SSH2: variants seen among roughly 807,000 people sequenced by gnomAD.
SSH2 encodes the protein protein phosphatase Slingshot homolog 2.
In SSH2, 37 loss-of-function variants were observed where a neutral mutation model predicts 135.2. The ratio of observed to expected loss-of-function variants is 0.27; its 90% confidence interval spans 0.21 to 0.36. The LOEUF is 0.36. Ranked by LOEUF, SSH2 falls within the 10% of genes least tolerant of loss-of-function variation. SSH2 has a pLI of 1.00. For synonymous variants in SSH2, 628 were observed against 646.2 expected (o/e 0.97, Z 0.43); for missense variants, 1,408 against 1,765.3 (o/e 0.80, Z 3.63).
At chr17:29,668,719 G>A (rs1286999065) in intron 9 of SSH2, among the ~76,000 whole-genome samples, 1 of 151,594 alleles carries the variant, frequency 6.6e-6, no homozygotes, top group Non-Finnish European at 1.5e-5. Flanking sequence ...CCTGGGTAAC[G>A]GAGCAAGACT....
chr17:29,712,819 A>C (rs1337501282), intron 3 of SSH2, among the ~76,000 whole-genome samples: 1 of 152,136 alleles, frequency 6.6e-6, no homozygotes, highest in Non-Finnish European at 1.5e-5. Context: ...AAACAAAACA[A>C]AACATTTATG....
At chr17:29,759,619 T>C (rs2041227711) in intron 3 of SSH2, among the ~76,000 whole-genome samples, 2 of 152,196 alleles carry the variant, frequency 1.3e-5, no homozygotes, top group African/African-American at 4.8e-5. Context: ...ACTTTACTTC[T>C]CTCTGAATTT....
chr17:29,742,156 C>T (rs1227092690), intron 3 of SSH2, among the ~76,000 whole-genome samples: 1 of 151,686 alleles, frequency 6.6e-6, no homozygotes, highest in Non-Finnish European at 1.5e-5. Context: ...AAGATGGTCT[C>T]GATTTCCTGA....
chr17:29,863,897 C>A (rs1424105939), intron 1 of SSH2: 1 of 152,032 alleles, frequency 6.6e-6, no homozygotes, highest in Non-Finnish European at 1.5e-5. Context: ...AATTTATCAC[C>A]CTTAAACTTT....
chr17:29,649,432 A>G (rs1457874329), intron 13 of SSH2, among the ~76,000 whole-genome samples: 10 of 151,890 alleles, frequency 6.6e-5, no homozygotes, highest in Admixed American at 6.6e-4. Context: ...ACCCAGGCTC[A>G]AGTGCAGTGG....
chr17:29,875,038 T>C (rs1333706966), intron 1 of SSH2, among the ~76,000 whole-genome samples: 1 of 151,968 alleles, frequency 6.6e-6, no homozygotes, highest in East Asian at 1.9e-4. Context: ...TCTGATAAAG[T>C]CAAAAAAATC....
intron 1 of SSH2, among the ~76,000 whole-genome samples, chr17:29,874,822 T>C (rs371679962): frequency 6.6e-6 from 1 of 152,198 alleles, no homozygotes; most frequent in Admixed American, 6.5e-5. Context: ...GAATTCTCTG[T>C]GATTGTCAGA....
chr17:29,865,838 C>G (rs952055126), intron 1 of SSH2, among the ~76,000 whole-genome samples: 1 of 152,132 alleles, frequency 6.6e-6, no homozygotes, highest in Non-Finnish European at 1.5e-5. Context: ...TGGAGGCTCA[C>G]GCCTGTTATC....
intron 2 of SSH2, among the ~76,000 whole-genome samples, chr17:29,797,158 T>C (rs1016947525): frequency 2.6e-5 from 4 of 151,574 alleles, no homozygotes; most frequent in African/African-American, 9.7e-5. Flanking sequence ...TTATATACAA[T>C]GAAATATACA....
chr17:29,840,609 G>A (rs1459011664), intron 2 of SSH2, among the ~76,000 whole-genome samples: 1 of 152,146 alleles, frequency 6.6e-6, no homozygotes, highest in Admixed American at 6.6e-5. Context: ...AATGGAAGAT[G>A]GTCAGGATGC....
intron 1 of SSH2, among the ~76,000 whole-genome samples, chr17:29,861,609 G>A (rs1011345926): frequency 6.6e-6 from 1 of 151,920 alleles, no homozygotes; most frequent in Non-Finnish European, 1.5e-5. Context: ...TGCTGTCCAG[G>A]CTAGAGTGCA....
At chr17:29,778,994 G>A (rs1300731529) in intron 3 of SSH2, among the ~76,000 whole-genome samples, 1 of 151,950 alleles carries the variant, frequency 6.6e-6, no homozygotes, top group East Asian at 1.9e-4. Flanking sequence ...AAGAATCAAA[G>A]GGACATTTAC....
intron 1 of SSH2, among the ~76,000 whole-genome samples, chr17:29,908,946 G>GGGC (rs1350452246): frequency 6.6e-6 from 1 of 151,558 alleles, no homozygotes; most frequent in Non-Finnish European, 1.5e-5. Context: ...GCGTGGTGGC[G>GGGC]GGTGCCTGTA....
chr17:29,739,825 C>A (rs2040496775), intron 3 of SSH2, among the ~76,000 whole-genome samples: 1 of 152,162 alleles, frequency 6.6e-6, no homozygotes, highest in African/African-American at 2.4e-5. Context: ...TCACAGTAAG[C>A]AAAGCAACAC....
intron 1 of SSH2, among the ~76,000 whole-genome samples, chr17:29,882,725 C>G (rs1411535342): frequency 6.6e-6 from 1 of 152,098 alleles, no homozygotes; most frequent in Admixed American, 6.6e-5. Flanking sequence ...GCACTCTAGC[C>G]TGGGCAACAG....
intron 3 of SSH2, among the ~76,000 whole-genome samples, chr17:29,724,988 G>T (rs538170281): frequency 1.3e-5 from 2 of 151,882 alleles, no homozygotes; most frequent in Non-Finnish European, 2.9e-5. Context: ...ACAGGTATTT[G>T]TTGAGAGCTT....
At chr17:29,904,211 C>T (rs1332495447) in intron 1 of SSH2, among the ~76,000 whole-genome samples, 11 of 152,056 alleles carry the variant, frequency 7.2e-5, no homozygotes, top group East Asian at 3.8e-4. Flanking sequence ...AAGAAAAATT[C>T]GGGCCAATAT....
chr17:29,631,563 C>T lies in SSH2; in HGVS notation c.3631G>A (p.Ala1211Thr), dbSNP rs144293105. 1.6e-5 allele frequency: 26 copies of T among 1,614,126 alleles called. No homozygotes were observed. The highest frequency in any genetic ancestry group is 2.7e-5 in the African/African-American group (2 of 75,018). Reference sequence around the variant, plus strand: ...AGTTTGCTAATTAAACTTAGGTCTGCGCTACTTAGCTGGGAGTCCTTATAT... The same window carrying T: ...AGTTTGCTAATTAAACTTAGGTCTGTGCTACTTAGCTGGGAGTCCTTATAT... ...VPYKDSQLSSADLSLISKLGD... is the reference protein window; with the variant it reads ...VPYKDSQLSSTDLSLISKLGD... Residue 1211 changes from alanine to threonine, a missense_variant, in exon 16 of 16, where the codon GCA (alanine) becomes ACA (threonine). Coordinates refer to ENST00000540801, the MANE Select transcript of SSH2 (RefSeq NM_001282129.2).
chr17:29,636,167 T>C lies in SSH2; in HGVS notation c.2063A>G (p.Glu688Gly). ...TCGTGACCGGGTTTCTTGGGAGAGC[T>C]CCACAAACTTCTCTAGGGCACTAAA... ...DFFSALEKFV[E>G]LSQETRSRSF... is the part of the protein sequence containing the mutation. The change falls in exon 15 of 16, where the codon GAG becomes GGG. Residue 688 changes from glutamate to glycine, a missense_variant. Glu to Gly is a moderately conservative substitution (Grantham distance 98). This residue lies in a region of SSH2 where 1,080 missense variants were observed against 1,144.5 expected (regional missense o/e 0.94). Coordinates refer to ENST00000540801, the MANE Select transcript of SSH2 (RefSeq NM_001282129.2). 1 of 1,614,098 alleles carries C rather than the reference T, an allele frequency of 6.2e-7. No individual in the cohort carries two copies. The highest frequency in any genetic ancestry group is 8.5e-7 in the Non-Finnish European group (1 of 1,180,022).
Sources: allele counts gnomAD v4.1 joint callset (sites outside exome capture counted in the v4.1 genomes callset), GRCh38; gene constraint gnomAD v4.1.1; regional missense constraint gnomAD v4.1.1; transcripts MANE v1.5; gene names NCBI Gene and HGNC (gene_info 2026-07-23, HGNC 2026-07-21).